Variants in DHRSX observed in about 807,000 individuals in gnomAD.
DHRSX encodes polyprenol dehydrogenase.
DHRSX carries 31 observed loss-of-function variants against 34.0 expected under a neutral mutation model. The observed-to-expected ratio is 0.91, with a 90% CI of 0.69 to 1.23. The LOEUF is 1.23. Among genes scored for constraint, DHRSX ranks in the 50% most tolerant of loss-of-function variants. The probability of loss-of-function intolerance (pLI) is 0.00; values close to 1 mark genes in which losing one functional copy is unlikely to be tolerated. For missense variants in DHRSX, 414 were observed against 428.1 expected, an observed-to-expected ratio of 0.97 and a Z score of 0.29; for synonymous variants, 201 against 183.8, an observed-to-expected ratio of 1.09 and a Z score of -0.76.
At chrX:2,343,711 G>C (rs1389848020) in intron 3 of DHRSX, among the ~76,000 whole-genome samples, 2 of 152,202 alleles carry the variant, frequency 1.3e-5, no homozygotes, top group African/African-American at 4.8e-5. Context: ...GCCAGGCCAG[G>C]AGACTTTTTT....
chrX:2,348,071 A>G (rs1291590108), intron 3 of DHRSX, among the ~76,000 whole-genome samples: 1 of 152,190 alleles, frequency 6.6e-6, no homozygotes, highest in African/African-American at 2.4e-5. Context: ...AGGGAACCCA[A>G]GCCAGGCCAA....
intron 1 of DHRSX, 61 bp from the exon 2 acceptor site, chrX:2,425,365 A>C: frequency 6.9e-7 from 1 of 1,454,230 alleles, no homozygotes; most frequent in Admixed American, 1.7e-5. Context: ...CATATTTGTA[A>C]GAATTAAGCC....
chrX:2,241,520 A>T (rs1016701447), intron 6 of DHRSX, among the ~76,000 whole-genome samples: 3 of 152,078 alleles, frequency 2.0e-5, no homozygotes, highest in African/African-American at 7.2e-5. Context: ...CGGAGGAAAG[A>T]CTGATGTCTG....
chrX:2,234,721 T>C (rs1227786360), intron 6 of DHRSX, among the ~76,000 whole-genome samples: 1 of 152,226 alleles, frequency 6.6e-6, no homozygotes, highest in Non-Finnish European at 1.5e-5. Context: ...TTTTACTTTT[T>C]ATTTTTTGAG....
intron 1 of DHRSX, among the ~76,000 whole-genome samples, chrX:2,457,275 G>A (rs1487323383): frequency 6.6e-6 from 1 of 151,690 alleles, no homozygotes; most frequent in Non-Finnish European, 1.5e-5. Flanking sequence ...CACTGAAGAC[G>A]TTCCCTAAGA....
At chrX:2,484,761 A>G (rs1263962572) in intron 1 of DHRSX, among the ~76,000 whole-genome samples, 1 of 152,070 alleles carries the variant, frequency 6.6e-6, no homozygotes, top group Non-Finnish European at 1.5e-5. Flanking sequence ...AAACAGTAGA[A>G]CTGCTGCCCA....
intron 3 of DHRSX, among the ~76,000 whole-genome samples, chrX:2,352,009 C>T (rs1422488869): frequency 2.6e-5 from 4 of 152,100 alleles, no homozygotes; most frequent in Non-Finnish European, 5.9e-5. Flanking sequence ...CGTGAGTCAC[C>T]GTGCCCAGCC....
chrX:2,241,684 G>A (rs1244526309), intron 6 of DHRSX, among the ~76,000 whole-genome samples: 4 of 152,106 alleles, frequency 2.6e-5, no homozygotes, highest in Admixed American at 6.6e-5. Context: ...CGAGGCGGGT[G>A]GATCACCTGA....
chrX:2,499,053 C>T lies in DHRSX; in HGVS notation c.109+1764G>A, dbSNP rs182383658. On this transcript the variant is annotated intron_variant, in intron 1 of 6. Coordinates refer to ENST00000334651, the MANE Select transcript of DHRSX (RefSeq NM_145177.3). The stretch of plus-strand genomic sequence containing the variant: ...AAAGCTCTTTTTCTCTGGCTAGAGG[C>T]GGGAGAGAGAGGCTCATTTTAAAAC... Among the ~76,000 whole-genome samples the T allele has an allele frequency of 2.6e-5, 4 of 152,118 alleles. No individual in the cohort carries two copies. In the East Asian group the frequency reaches 5.8e-4, roughly 22 times the overall value.
intron 3 of DHRSX, among the ~76,000 whole-genome samples, chrX:2,355,459 C>G (rs781087449): frequency 7.7e-6 from 1 of 129,272 alleles, no homozygotes; most frequent in East Asian, 2.7e-4. Context: ...TTGCAGTGAA[C>G]CAAGATGGTG....
At chrX:2,317,821 A>G (rs2042258908) in intron 3 of DHRSX, among the ~76,000 whole-genome samples, 1 of 152,152 alleles carries the variant, frequency 6.6e-6, no homozygotes. Flanking sequence ...GGAAGATGTC[A>G]AACATGCATT....
intron 6 of DHRSX, among the ~76,000 whole-genome samples, chrX:2,237,248 C>T (rs1240063602): frequency 2.0e-5 from 3 of 152,132 alleles, no homozygotes; most frequent in African/African-American, 7.2e-5. Context: ...ATTAACCTGT[C>T]ACCCTCTCGG....
chrX:2,429,262 G>A, intron 1 of DHRSX, among the ~76,000 whole-genome samples: 1 of 152,094 alleles, frequency 6.6e-6, no homozygotes, highest in Non-Finnish European at 1.5e-5. Context: ...TTATTAAATT[G>A]TAATTACAGA....
chrX:2,267,210 G>A (rs1217685799), intron 4 of DHRSX, among the ~76,000 whole-genome samples: 1 of 152,136 alleles, frequency 6.6e-6, no homozygotes, highest in African/African-American at 2.4e-5. Context: ...GGCCGGGCGC[G>A]GTGGCTCACG....
intron 1 of DHRSX, among the ~76,000 whole-genome samples, chrX:2,485,064 A>T (rs1216914784): frequency 6.6e-6 from 1 of 152,194 alleles, no homozygotes; most frequent in Non-Finnish European, 1.5e-5. Context: ...GGGGGAAACA[A>T]AAACAACCAG....
At chrX:2,320,580 G>A (rs1332401052) in intron 3 of DHRSX, among the ~76,000 whole-genome samples, 1 of 145,684 alleles carries the variant, frequency 6.9e-6, no homozygotes, top group East Asian at 2.1e-4. Flanking sequence ...GCAGGCATGA[G>A]CCACCGTGCC....
chrX:2,236,593 G>A (rs1402846962), intron 6 of DHRSX, among the ~76,000 whole-genome samples: 1 of 152,028 alleles, frequency 6.6e-6, no homozygotes, highest in Non-Finnish European at 1.5e-5. Flanking sequence ...CACCATGCCT[G>A]GCTAATTTCT....
chrX:2,250,834 G>A (rs1179632227), intron 5 of DHRSX, among the ~76,000 whole-genome samples: 1 of 152,056 alleles, frequency 6.6e-6, no homozygotes, highest in African/African-American at 2.4e-5. Flanking sequence ...GAGTTGCTCT[G>A]GTTCTAATGC....
intron 5 of DHRSX, among the ~76,000 whole-genome samples, chrX:2,247,839 T>C (rs1218507830): frequency 6.6e-6 from 1 of 152,064 alleles, no homozygotes; most frequent in Non-Finnish European, 1.5e-5. Context: ...CCTACCCTCC[T>C]GTCTCTCAGA....
Sources: allele counts gnomAD v4.1 joint callset (sites outside exome capture counted in the v4.1 genomes callset), GRCh38; gene constraint gnomAD v4.1.1; transcripts MANE v1.5; gene names NCBI Gene and HGNC (gene_info 2026-07-23, HGNC 2026-07-21).